TCL1A: variants seen among roughly 807,000 people sequenced by gnomAD.
The protein encoded by TCL1A is T-cell leukemia/lymphoma protein 1A.
In TCL1A, 9 loss-of-function variants were observed where a neutral mutation model predicts 16.9. The observed-to-expected ratio is 0.53, with a 90% CI of 0.32 to 0.93. The LOEUF (loss-of-function observed/expected upper bound fraction) is 0.93, where lower values mean the gene tolerates loss of function less well. TCL1A is among the 40% of genes least tolerant of loss of function. TCL1A has a pLI of 0.04. For missense variants in TCL1A, 139 were observed against 153.0 expected, an observed-to-expected ratio of 0.91 and a Z score of 0.48; for synonymous variants, 69 against 63.2, an observed-to-expected ratio of 1.09 and a Z score of -0.44.
chr14:95,711,087 C>T (rs1886334505), intron 3 of TCL1A, among the ~76,000 whole-genome samples: 1 of 152,124 alleles, frequency 6.6e-6, no homozygotes, highest in African/African-American at 2.4e-5. Flanking sequence ...GAGTTTTGTA[C>T]TCTTATTTCC....
At chr14:95,711,589 G>T in intron 3 of TCL1A, 160 bp downstream of exon 3, 1 of 719,778 alleles carries the variant, frequency 1.4e-6, no homozygotes, top group South Asian at 1.9e-5. Flanking sequence ...GAAGTGGTAA[G>T]GGAGACATGA....
At chr14:95,713,888 T>A in intron 1 of TCL1A, 59 bp downstream of exon 1, 1 of 1,601,024 alleles carries the variant, frequency 6.2e-7, no homozygotes, top group Non-Finnish European at 8.5e-7. Context: ...TCCTAGGGCA[T>A]CCCAAGCTCC....
chr14:95,713,786 C>G (rs143694806), intron 1 of TCL1A, among the ~76,000 whole-genome samples, 161 bp downstream of exon 1: 1 of 152,310 alleles, frequency 6.6e-6, no homozygotes, highest in Non-Finnish European at 1.5e-5. Flanking sequence ...GCCTGGAGAA[C>G]TCCTATTCAT....
At chr14:95,711,911 G>A (rs1886366544) in intron 2 of TCL1A, 109 bp from the exon 3 acceptor site, 1 of 1,421,962 alleles carries the variant, frequency 7.0e-7, no homozygotes, top group Non-Finnish European at 9.6e-7. Flanking sequence ...AGGAACCCAG[G>A]TGTGAGGATT....
intron 1 of TCL1A, among the ~76,000 whole-genome samples, chr14:95,713,436 T>G (rs146226332): frequency 6.6e-6 from 1 of 152,310 alleles, no homozygotes; most frequent in Non-Finnish European, 1.5e-5. Flanking sequence ...ATTGATTCAA[T>G]ACCGGCGCTT....
intron 1 of TCL1A, among the ~76,000 whole-genome samples, chr14:95,713,506 T>A (rs567307767): frequency 1.3e-5 from 2 of 152,258 alleles, no homozygotes; most frequent in African/African-American, 4.8e-5. Flanking sequence ...TAGTGGAAAA[T>A]ACTTCACACT....
chr14:95,713,845 C>G, intron 1 of TCL1A, 102 bp downstream of exon 1: 1 of 1,537,714 alleles, frequency 6.5e-7, no homozygotes, highest in Non-Finnish European at 8.8e-7. Flanking sequence ...ATCCTCCCTG[C>G]CCCATAGTGA....
At chr14:95,713,480 A>G (rs1886437999) in intron 1 of TCL1A, among the ~76,000 whole-genome samples, 1 of 152,304 alleles carries the variant, frequency 6.6e-6, no homozygotes, top group East Asian at 1.9e-4. Context: ...TTTGTTTTCT[A>G]AATAAAGCCC....
chr14:95,711,669 G>T, intron 3 of TCL1A, 80 bp downstream of exon 3: 1 of 1,515,404 alleles, frequency 6.6e-7, no homozygotes, highest in Non-Finnish European at 9.0e-7. Flanking sequence ...GGTTAGCACT[G>T]CCTTCATGGA....
intron 1 of TCL1A, 64 bp from the exon 2 acceptor site, chr14:95,712,460 A>G: frequency 6.5e-7 from 1 of 1,540,506 alleles, no homozygotes. Context: ...CTCCAGGCGC[A>G]GAAAACCGGA....
chr14:95,713,464 G>C (rs1886436819), intron 1 of TCL1A, among the ~76,000 whole-genome samples: 3 of 152,284 alleles, frequency 2.0e-5, no homozygotes, highest in Admixed American at 1.3e-4. Context: ...GACATCACTT[G>C]TTAAATTTGT....
Position 95,713,855 on chromosome 14 carries a change from A to G in TCL1A, c.120+92T>C, listed in dbSNP as rs988851650. ...TGGGGATCCTCCCTGCCCCATAGTG[A>G]GTGCTCCTTGAGTCCTCGCCCTTCC... On this transcript the variant is annotated intron_variant, in intron 1 of 3. Coordinates refer to ENST00000402399, the MANE Select transcript of TCL1A (RefSeq NM_021966.3). The G allele has an allele frequency of 3.1e-5, 49 of 1,559,138 alleles. No individual in the cohort carries two copies. The Middle Eastern group carries it at 5.1e-4, about 16-fold the overall frequency.
At position 95,710,359 on chromosome 14, in the gene TCL1A, A is replaced by G. The variant is rs1298318733; in HGVS notation, c.*529T>C. The G allele has an allele frequency of 3.3e-5, 5 of 150,286 alleles. No homozygotes were observed. The East Asian group carries it at 9.9e-4, about 30-fold the overall frequency. The allele number at this position is 150,286 out of a possible 1,614,324, so 9.3% of individuals were successfully genotyped here. On this transcript the variant is annotated 3_prime_UTR_variant, in exon 4 of 4. Coordinates refer to ENST00000402399, the MANE Select transcript of TCL1A (RefSeq NM_021966.3). Reference sequence around the variant, plus strand: ...ACCTGTGTGGGCAGGCAGCGTTTGCAGGCGTGTTTACGGGCAGGCAGCGTT... The same window carrying G: ...ACCTGTGTGGGCAGGCAGCGTTTGCGGGCGTGTTTACGGGCAGGCAGCGTT...
chr14:95,713,505 A>C (rs117312585), intron 1 of TCL1A, among the ~76,000 whole-genome samples: 2 of 152,298 alleles, frequency 1.3e-5, no homozygotes, highest in South Asian at 2.1e-4. Flanking sequence ...GTAGTGGAAA[A>C]TACTTCACAC....
intron 1 of TCL1A, 54 bp downstream of exon 1, chr14:95,713,893 A>G: frequency 1.9e-6 from 3 of 1,603,172 alleles, no homozygotes; most frequent in Non-Finnish European, 2.5e-6. Flanking sequence ...GGGCATCCCA[A>G]GCTCCCAGGG....
chr14:95,711,322 A>C (rs2139719650), intron 3 of TCL1A: 1 of 146,626 alleles, frequency 6.8e-6, no homozygotes, highest in East Asian at 2.0e-4. Context: ...AAAAAAAATT[A>C]GCCAGGTGTG....
At chr14:95,711,130 C>T (rs1385340915) in intron 3 of TCL1A, among the ~76,000 whole-genome samples, 1 of 152,052 alleles carries the variant, frequency 6.6e-6, no homozygotes, top group African/African-American at 2.4e-5. Context: ...ATATCTGGCT[C>T]AGCTGATATA....
chr14:95,713,602 T>G (rs571356991), intron 1 of TCL1A, among the ~76,000 whole-genome samples: 1 of 152,290 alleles, frequency 6.6e-6, no homozygotes, highest in Non-Finnish European at 1.5e-5. Context: ...CCACCTGAGA[T>G]GATTCCGATA....
chr14:95,713,939 G>A lies in TCL1A; in HGVS notation c.120+8C>T. Reference sequence around the variant, plus strand: ...CTGCCTCGCCATCCGCTCCAAAGCTGGCTGTACCTCGATGGTTAAGGGCAG... The same window carrying A: ...CTGCCTCGCCATCCGCTCCAAAGCTAGCTGTACCTCGATGGTTAAGGGCAG... On this transcript the variant is annotated splice_region_variant and intron_variant, in intron 1 of 3. Coordinates refer to ENST00000402399, the MANE Select transcript of TCL1A (RefSeq NM_021966.3). 6.2e-7 allele frequency: 1 copy of A among 1,613,332 alleles called. No homozygotes were observed. The highest frequency in any genetic ancestry group is 8.5e-7 in the Non-Finnish European group (1 of 1,180,004).
Sources: allele counts gnomAD v4.1 joint callset (sites outside exome capture counted in the v4.1 genomes callset), GRCh38; gene constraint gnomAD v4.1.1; transcripts MANE v1.5; gene names NCBI Gene and HGNC (gene_info 2026-07-23, HGNC 2026-07-21).